Variants in ZNF331 observed in about 807,000 individuals in gnomAD.
The protein encoded by ZNF331 is zinc finger protein 331.
A neutral mutation model predicts 7.0 loss-of-function variants in ZNF331; 2 were observed. The observed-to-expected ratio is 0.29, with a 90% CI of 0.12 to 0.90. ZNF331 has a LOEUF of 0.90. Among genes scored for constraint, ZNF331 ranks in the 40% least tolerant of loss-of-function variants. The pLI, the probability that ZNF331 is intolerant of heterozygous loss-of-function variation, is 0.58. For missense variants in ZNF331, 432 were observed against 587.7 expected, an observed-to-expected ratio of 0.74 and a Z score of 2.74; for synonymous variants, 196 against 205.4, an observed-to-expected ratio of 0.95 and a Z score of 0.39.
At chr19:53,548,480 C>T (rs2088773478) in intron 2 of ZNF331, among the ~76,000 whole-genome samples, 1 of 152,072 alleles carries the variant, frequency 6.6e-6, no homozygotes, top group Non-Finnish European at 1.5e-5. Flanking sequence ...TGATCTTAAA[C>T]TCCTGGGCTC....
intron 2 of ZNF331, among the ~76,000 whole-genome samples, chr19:53,528,539 A>G (rs1292848730): frequency 6.6e-6 from 1 of 152,230 alleles, no homozygotes; most frequent in Non-Finnish European, 1.5e-5. Context: ...GGAAAAAGAC[A>G]CTGCGAGGTT....
intron 3 of ZNF331, among the ~76,000 whole-genome samples, chr19:53,564,031 CAAAA>C (rs57538972): frequency 2.6e-5 from 2 of 75,630 alleles, no homozygotes; most frequent in East Asian, 7.6e-4. Flanking sequence ...GACTTCATCT[CAAAA>C]AAAAAAAAAA....
At chr19:53,529,503 CATT>C (rs2087448016) in intron 2 of ZNF331, among the ~76,000 whole-genome samples, 2 of 152,032 alleles carry the variant, frequency 1.3e-5, no homozygotes, top group Admixed American at 6.6e-5. Context: ...GTTCAATCAT[CATT>C]GGTATAAATC....
chr19:53,509,318 C>T, the ZNF331 span, among the ~76,000 whole-genome samples: 1 of 152,184 alleles, frequency 6.6e-6, no homozygotes, highest in Non-Finnish European at 1.5e-5. Context: ...AGAAACAAAT[C>T]AAGTAATGGA....
At chr19:53,554,075 C>T (rs1012903168) in intron 2 of ZNF331, among the ~76,000 whole-genome samples, 3 of 152,206 alleles carry the variant, frequency 2.0e-5, no homozygotes, top group Non-Finnish European at 4.4e-5. Context: ...AGACATCGCC[C>T]TCCTCAAGCC....
chr19:53,552,661 G>A (rs564465842), intron 2 of ZNF331, among the ~76,000 whole-genome samples: 3 of 152,286 alleles, frequency 2.0e-5, no homozygotes, highest in Non-Finnish European at 2.9e-5. Context: ...GAGCCTAGGA[G>A]GCAGAGGTTG....
rs988822714 is a variant in ZNF331 at position 53,539,773 on chromosome 19, A to G, written c.-138+491A>G. ...TTTCATGGCATTAAGAAGGATGGAC[A>G]TGCCCCAAAGACATTTAGACCCATT... On this transcript the variant is annotated intron_variant, in intron 2 of 5. Coordinates refer to ENST00000449416, the MANE Select transcript of ZNF331 (RefSeq NM_001079906.2). The surrounding 1 kb of genome is among the most constrained non-coding windows in gnomAD (Gnocchi z 6.1). Among the ~76,000 whole-genome samples the G allele has an allele frequency of 4.3e-4, 66 of 152,330 alleles. No homozygotes were observed. The highest frequency in any genetic ancestry group is 5.8e-4 in the East Asian group (3 of 5,188).
chr19:53,558,886 A>G lies in ZNF331; in HGVS notation c.-74+2978A>G, dbSNP rs2089601749. Among the ~76,000 whole-genome samples, 2 of 113,124 alleles carry G rather than the reference A, an allele frequency of 1.8e-5. No homozygotes were observed. The highest frequency in any genetic ancestry group is 1.1e-4 in the African/African-American group (2 of 18,458). 74.2% of individuals were successfully genotyped at this position (113,124 alleles called of 152,430 possible). A position where few individuals can be genotyped will look rare whatever the true frequency, so the allele number is the denominator to read the frequency against. On this transcript the variant is annotated intron_variant, in intron 3 of 5. Coordinates refer to ENST00000449416, the MANE Select transcript of ZNF331 (RefSeq NM_001079906.2). The surrounding 1 kb of genome is among the most constrained non-coding windows in gnomAD (Gnocchi z 4.5). ...ATACACACACATACCCCATATATAC[A>G]CACATATACACACCTATACACACCT...
rs551566736 is a variant in ZNF331 at position 53,546,193 on chromosome 19, G to C, written c.-138+6911G>C. 2.0e-5 allele frequency among the ~76,000 whole-genome samples: 3 copies of C among 148,794 alleles called. No homozygotes were observed. In the South Asian group the frequency reaches 6.4e-4, roughly 32 times the overall value. On this transcript the variant is annotated intron_variant, in intron 2 of 5. Transcript: ENST00000449416. ...TTTAGGTTGGTGCAAAAGTAATTGC[G>C]GTTTTTGCCATTATGTCTAATGTCA...
chr19:53,569,248 A>G, intron 3 of ZNF331, 56 bp from the exon 4 acceptor site: 2 of 926,324 alleles, frequency 2.2e-6, no homozygotes, highest in Non-Finnish European at 3.4e-6. Flanking sequence ...GTCATATTAC[A>G]TCACTATGGG....
chr19:53,534,755 G>A (rs549785976), upstream of ZNF331, among the ~76,000 whole-genome samples: 3 of 152,144 alleles, frequency 2.0e-5, no homozygotes, highest in South Asian at 2.1e-4. Context: ...GGTAATCTCC[G>A]TATCTGAAGG....
chr19:53,539,554 G>A lies in ZNF331; in HGVS notation c.-138+272G>A, dbSNP rs763360534. On this transcript the variant is annotated intron_variant, in intron 2 of 5. Transcript: ENST00000449416. This position sits in a 1 kb window ranked among gnomAD's most constrained non-coding sequence, Gnocchi z 6.1. ...AGCAACGTACATATGAAGGTAACTG[G>A]GATGGGTGTTTGCAGGTTCACAAAA... The A allele has an allele frequency of 6.6e-6, 1 of 152,164 alleles. No homozygotes were observed. Among genetic ancestry groups the A allele is most frequent in the Non-Finnish European group, 1.5e-5 (1 of 68,030 alleles). The allele number at this position is 152,164 out of a possible 1,614,324, so 9.4% of individuals were successfully genotyped here.
chr19:53,571,648 G>C lies in ZNF331; in HGVS notation c.54G>C (p.Glu18Asp). Residue 18 changes from glutamate (E) to aspartate (D), a missense_variant, in exon 5 of 6, where the codon GAG becomes GAC. By Grantham distance (45) the Glu-to-Asp change is conservative (BLOSUM62 2). Around this residue, in one of 3 missense-constraint regions of ZNF331, gnomAD observed 39 missense variants for 68.8 expected, o/e 0.57. Transcript: ENST00000449416. The surrounding 1 kb of genome is among the most constrained non-coding windows in gnomAD (Gnocchi z 4.7). ...FADVAIDFSQEEWACLNSAQR... is the reference protein window; with the variant it reads ...FADVAIDFSQDEWACLNSAQR... The stretch of plus-strand genomic sequence containing the variant: ...ACGTAGCCATAGACTTTTCTCAGGA[G>C]GAGTGGGCCTGTCTGAACTCTGCTC... 1 of 1,614,140 alleles carries C rather than the reference G, an allele frequency of 6.2e-7. No individual in the cohort carries two copies. The highest frequency in any genetic ancestry group is 8.5e-7 in the Non-Finnish European group (1 of 1,180,020).
intron 2 of ZNF331, among the ~76,000 whole-genome samples, chr19:53,540,614 G>A (rs1055306406): frequency 2.6e-5 from 4 of 152,014 alleles, no homozygotes; most frequent in Non-Finnish European, 5.9e-5. Context: ...TGTATTTTTA[G>A]TGGAAACAGG....
At chr19:53,504,445 T>G in the ZNF331 span, among the ~76,000 whole-genome samples, 1 of 150,730 alleles carries the variant, frequency 6.6e-6, no homozygotes, top group Non-Finnish European at 1.5e-5. Context: ...ATTCTGTACC[T>G]CCTGATCCCC....
chr19:53,521,537 T>G (rs2087088246), exon 1 of ZNF331: 2 of 152,214 alleles, frequency 1.3e-5, no homozygotes, highest in South Asian at 2.1e-4. Flanking sequence ...TAGACGTCTA[T>G]GAGGGCCATA....
At chr19:53,529,800 C>G (rs1233515169) in intron 2 of ZNF331, among the ~76,000 whole-genome samples, 1 of 152,180 alleles carries the variant, frequency 6.6e-6, no homozygotes, top group Non-Finnish European at 1.5e-5. Flanking sequence ...TGTATGTTGT[C>G]TATAACCCAG....
chr19:53,520,071 T>C (rs181371648), upstream of ZNF331, among the ~76,000 whole-genome samples: 19 of 151,870 alleles, frequency 1.3e-4, no homozygotes, highest in Admixed American at 3.3e-4. Flanking sequence ...TTTTGAGACA[T>C]TGTTTCACTC....
chr19:53,531,713 T>G (rs1176912064), intron 2 of ZNF331, among the ~76,000 whole-genome samples: 1 of 152,226 alleles, frequency 6.6e-6, no homozygotes, highest in Non-Finnish European at 1.5e-5. Context: ...ATCAATAAAT[T>G]GAAATTTTTT....
Sources: allele counts gnomAD v4.1 joint callset (sites outside exome capture counted in the v4.1 genomes callset), GRCh38; gene constraint gnomAD v4.1.1; regional missense constraint gnomAD v4.1.1; non-coding constraint Gnocchi (gnomAD v3.1); transcripts MANE v1.5; gene names NCBI Gene and HGNC (gene_info 2026-07-23, HGNC 2026-07-21).